KCNQ1OT1: variants seen among roughly 807,000 people sequenced by gnomAD.
KCNQ1OT1 encodes the protein KCNQ1 opposite strand/antisense transcript 1.
In KCNQ1OT1 at chr11:2,674,835, A is replaced by T; in HGVS notation, n.25160T>A. The T allele has an allele frequency of 1.3e-4, 30 of 228,778 alleles. No individual in the cohort carries two copies. Among genetic ancestry groups the T allele is most frequent in the East Asian group, 5.5e-4 (6 of 10,896 alleles). 14.2% of individuals were successfully genotyped at this position (228,778 alleles called of 1,614,324 possible). A position where few individuals can be genotyped will look rare whatever the true frequency, so the allele number is the denominator to read the frequency against. ...TGTCACCCTAATAGCTGTTTTTTAA[A>T]AAAAAAAAAAAAAAAAAAAAAAAAA... On this transcript the variant is annotated non_coding_transcript_exon_variant, in exon 1 of 1. Transcript: ENST00000597346. The surrounding 1 kb of genome is among the most constrained non-coding windows in gnomAD (Gnocchi z 5.9).
exon 1 of KCNQ1OT1, chr11:2,648,988 T>TTTTTTTTTTTTTTTTTTTTTC (rs1849713855): frequency 6.2e-6 from 2 of 322,162 alleles, no homozygotes; most frequent in African/African-American, 2.3e-5. Flanking sequence ...TTTCTTTTTT[T>TTTTTTTTTTTTTTTTTTTTTC]TTTTTTTTTT....
In KCNQ1OT1 at chr11:2,620,372, AC is replaced by A; in HGVS notation, n.79622del. 1 of 208,580 alleles carries A rather than the reference AC, an allele frequency of 4.8e-6. No homozygotes were observed. Among genetic ancestry groups the A allele is most frequent in the Non-Finnish European group, 9.4e-6 (1 of 106,740 alleles). The allele number at this position is 208,580 out of a possible 1,614,324, so 12.9% of individuals were successfully genotyped here. On this transcript the variant is annotated non_coding_transcript_exon_variant, in exon 1 of 1. Coordinates refer to ENST00000597346, the Ensembl canonical transcript of KCNQ1OT1. The surrounding 1 kb of genome is among the most constrained non-coding windows in gnomAD (Gnocchi z 4.5). The stretch of plus-strand genomic sequence containing the variant: ...GCTGGGATTAGAGGCATGCGCCACC[AC>A]GTCCAGCTAATTTTGTAGTTTTAGT...
At position 2,678,607 on chromosome 11, in the gene KCNQ1OT1, T is replaced by G. The variant is rs1850334637; in HGVS notation, n.21388A>C. ...CTTATCTGTGTAGCAGGACTCCCCC[T>G]CATCTCCATTACTTAAGAGCCAATA... On this transcript the variant is annotated non_coding_transcript_exon_variant, in exon 1 of 1. Transcript: ENST00000597346. The surrounding 1 kb of genome is among the most constrained non-coding windows in gnomAD (Gnocchi z 4.9). 1 of 398,470 alleles carries G rather than the reference T, an allele frequency of 2.5e-6. No homozygotes were observed. The highest frequency in any genetic ancestry group is 2.1e-5 in the African/African-American group (1 of 48,620). 24.7% of individuals were successfully genotyped at this position (398,470 alleles called of 1,614,324 possible).
exon 1 of KCNQ1OT1, chr11:2,650,482 A>C: frequency 1.0e-5 from 4 of 398,664 alleles, no homozygotes; most frequent in Non-Finnish European, 1.8e-5. Flanking sequence ...GGTTCAGTGC[A>C]GAAGTGTGGT....
Position 2,698,230 on chromosome 11 carries a change from A to G in KCNQ1OT1, n.1765T>C, listed in dbSNP as rs1407323720. The G allele has an allele frequency of 5.0e-6, 2 of 398,558 alleles. No individual in the cohort carries two copies. Among genetic ancestry groups the G allele is most frequent in the Non-Finnish European group, 8.8e-6 (2 of 226,080 alleles). 24.7% of individuals were successfully genotyped at this position (398,558 alleles called of 1,614,324 possible). On this transcript the variant is annotated non_coding_transcript_exon_variant, in exon 1 of 1. Transcript: ENST00000597346. This position sits in a 1 kb window ranked among gnomAD's most constrained non-coding sequence, Gnocchi z 5.1. Reference sequence around the variant, plus strand: ...ACTGGTAAATGCACATCAAATGTGGATATTATCAGGAAAGTTTTTATACTT... The same window carrying G: ...ACTGGTAAATGCACATCAAATGTGGGTATTATCAGGAAAGTTTTTATACTT...
At chr11:2,625,150 C>G in exon 1 of KCNQ1OT1, 1 of 398,622 alleles carries the variant, frequency 2.5e-6, no homozygotes, top group East Asian at 3.6e-5. Flanking sequence ...TGAAGGAACA[C>G]CAAACTGTTT....
rs185255596 is a variant in KCNQ1OT1, at chr11:2,678,774, G to A, written n.21221C>T. On this transcript the variant is annotated non_coding_transcript_exon_variant, in exon 1 of 1. Coordinates refer to ENST00000597346, the Ensembl canonical transcript of KCNQ1OT1. The surrounding 1 kb of genome is among the most constrained non-coding windows in gnomAD (Gnocchi z 4.9). ...GGGTGTTTGGGACTGAGGCTTCATC[G>A]TGGCAGCTAATAATGTCAGGGAGCA... The A allele has an allele frequency of 4.5e-5, 18 of 398,502 alleles. No homozygotes were observed. Among genetic ancestry groups the A allele is most frequent in the Middle Eastern group, 6.2e-4 (1 of 1,610 alleles). 24.7% of individuals were successfully genotyped at this position (398,502 alleles called of 1,614,324 possible).
At chr11:2,665,168 G>C (rs562051282) in exon 1 of KCNQ1OT1, 3 of 398,606 alleles carry the variant, frequency 7.5e-6, no homozygotes, top group African/African-American at 4.1e-5. Flanking sequence ...ACCAGCTCTG[G>C]GCGGCCAGGA....
At position 2,651,437 on chromosome 11, in the gene KCNQ1OT1, G is replaced by A; in HGVS notation, n.48558C>T. On this transcript the variant is annotated non_coding_transcript_exon_variant, in exon 1 of 1. Coordinates refer to ENST00000597346, the Ensembl canonical transcript of KCNQ1OT1. The surrounding 1 kb of genome is among the most constrained non-coding windows in gnomAD (Gnocchi z 6.1). ...GCCTGCCCTGTGTGCAGCTCAGCAA[G>A]TGCCTGAAGTCAGAGGTAGTGCTTA... 5.0e-6 allele frequency: 2 copies of A among 398,726 alleles called. No individual in the cohort carries two copies. The highest frequency in any genetic ancestry group is 8.8e-6 in the Non-Finnish European group (2 of 226,120). The allele number at this position is 398,726 out of a possible 1,614,324, so 24.7% of individuals were successfully genotyped here.
exon 1 of KCNQ1OT1, chr11:2,614,707 TTC>T (rs1589982402): frequency 5.0e-6 from 2 of 398,478 alleles, no homozygotes; most frequent in East Asian, 7.1e-5. Flanking sequence ...TATTTCTACA[TTC>T]TCTATTATAT....
At chr11:2,689,850 A>G (rs1030125050) in exon 1 of KCNQ1OT1, 8 of 398,698 alleles carry the variant, frequency 2.0e-5, no homozygotes, top group African/African-American at 1.4e-4. Flanking sequence ...GTGGCCTGCC[A>G]CTTAGCACCC....
chr11:2,627,597 A>T lies in KCNQ1OT1; in HGVS notation n.72398T>A. ...TATTTCACTTAGCATAATATCCTCC[A>T]GGTTCATCTATGTTGTCATAAATTG... On this transcript the variant is annotated non_coding_transcript_exon_variant, in exon 1 of 1. Coordinates refer to ENST00000597346, the Ensembl canonical transcript of KCNQ1OT1. This position sits in a 1 kb window ranked among gnomAD's most constrained non-coding sequence, Gnocchi z 4.9. 1 of 398,408 alleles carries T rather than the reference A, an allele frequency of 2.5e-6. No homozygotes were observed. The highest frequency in any genetic ancestry group is 4.4e-6 in the Non-Finnish European group (1 of 226,036). 24.7% of individuals were successfully genotyped at this position (398,408 alleles called of 1,614,324 possible). A position where few individuals can be genotyped will look rare whatever the true frequency, so the allele number is the denominator to read the frequency against.
chr11:2,649,574 T>A (rs370351077), exon 1 of KCNQ1OT1: 2 of 398,610 alleles, frequency 5.0e-6, no homozygotes, highest in East Asian at 3.6e-5. Flanking sequence ...ATAGTATTTG[T>A]GGCTAGCAAT....
chr11:2,628,803 G>A (rs1849304250), exon 1 of KCNQ1OT1: 2 of 398,276 alleles, frequency 5.0e-6, no homozygotes, highest in Admixed American at 4.4e-5. Context: ...ACAGTGTAGG[G>A]TAAGGTTCCA....
rs566393192 is a variant in KCNQ1OT1, at chr11:2,667,578, G to A, written n.32417C>T. 1.3e-3 allele frequency: 501 copies of A among 398,412 alleles called. 1 individual carries two copies. Among genetic ancestry groups the A allele is most frequent in the Middle Eastern group, 1.9e-3 (3 of 1,592 alleles). 24.7% of individuals were successfully genotyped at this position (398,412 alleles called of 1,614,324 possible). On this transcript the variant is annotated non_coding_transcript_exon_variant, in exon 1 of 1. Transcript: ENST00000597346. ...GACACTTCTGGCAGTTGGGGCAGGG[G>A]GTCGGGGCGGGGTTGGGCGGGGGGC...
chr11:2,609,670 T>G (rs576016365), exon 1 of KCNQ1OT1: 1 of 398,426 alleles, frequency 2.5e-6, no homozygotes, highest in East Asian at 3.6e-5. Context: ...TGTTCAGTTC[T>G]GTCAGTTTTT....
Position 2,682,813 on chromosome 11 carries a change from TC to T in KCNQ1OT1, n.17181del. On this transcript the variant is annotated non_coding_transcript_exon_variant, in exon 1 of 1. Coordinates refer to ENST00000597346, the Ensembl canonical transcript of KCNQ1OT1. This position sits in a 1 kb window ranked among gnomAD's most constrained non-coding sequence, Gnocchi z 5.8. ...CATGAAATGCAGTGACTTGCAGTGA[TC>T]CTCCTGGGGCCTTGTATAGAAGAGA... is the stretch of plus-strand genomic sequence containing the variant. 1 of 398,600 alleles carries T rather than the reference TC, an allele frequency of 2.5e-6. No homozygotes were observed. Among genetic ancestry groups the T allele is most frequent in the Non-Finnish European group, 4.4e-6 (1 of 226,074 alleles). 24.7% of individuals were successfully genotyped at this position (398,600 alleles called of 1,614,324 possible).
At chr11:2,631,427 T>G (rs10832417) in exon 1 of KCNQ1OT1, 131,835 of 390,536 alleles carry the variant, frequency 0.34, 24,240 homozygotes, top group East Asian at 0.64. Flanking sequence ...AAAATGTTTG[T>G]TTTTTTTTTA....
chr11:2,661,770 G>A lies in KCNQ1OT1; in HGVS notation n.38225C>T. ...CTTTATTCTCCTCAGACACTGAGGT[G>A]TCAGGCACTTTGGGGCCATCTTAAA... On this transcript the variant is annotated non_coding_transcript_exon_variant, in exon 1 of 1. Transcript: ENST00000597346. This position sits in a 1 kb window ranked among gnomAD's most constrained non-coding sequence, Gnocchi z 5.9. 1 of 662,070 alleles carries A rather than the reference G, an allele frequency of 1.5e-6. No homozygotes were observed. Among genetic ancestry groups the A allele is most frequent in the South Asian group, 1.7e-5 (1 of 57,844 alleles). 41.0% of individuals were successfully genotyped at this position (662,070 alleles called of 1,614,324 possible).
Sources: allele counts gnomAD v4.1 joint callset, GRCh38; gene constraint gnomAD v4.1.1; non-coding constraint Gnocchi (gnomAD v3.1); transcripts MANE v1.5; gene names NCBI Gene and HGNC (gene_info 2026-07-23, HGNC 2026-07-21).